TP63: variants seen among roughly 807,000 people sequenced by gnomAD.
TP63 encodes the protein tumor protein p63, also known as tumor protein 63.
In TP63, 17 loss-of-function variants were observed where a neutral mutation model predicts 82.8. The ratio of observed to expected loss-of-function variants is 0.21; its 90% CI spans 0.14 to 0.31. The LOEUF (loss-of-function observed/expected upper bound fraction) is 0.31. TP63 is among the 10% of genes least tolerant of loss of function. The probability of loss-of-function intolerance (pLI) is 1.00; values close to 1 mark genes in which losing one functional copy is unlikely to be tolerated. For missense variants in TP63, 648 were observed against 895.3 expected, an observed-to-expected ratio of 0.72 and a Z score of 3.52; for synonymous variants, 330 against 321.7, an observed-to-expected ratio of 1.03 and a Z score of -0.28.
At chr3:189,889,593 T>A (rs1171071671) in intron 12 of TP63, 109 bp downstream of exon 12, 1 of 1,483,788 alleles carries the variant, frequency 6.7e-7, no homozygotes, top group Non-Finnish European at 9.3e-7. Flanking sequence ...ACAGCAGTCC[T>A]GTGGTTGGAG....
At chr3:189,822,573 T>C (rs545546059) in intron 4 of TP63, among the ~76,000 whole-genome samples, 1 of 152,342 alleles carries the variant, frequency 6.6e-6, no homozygotes, top group Non-Finnish European at 1.5e-5. Flanking sequence ...AGTATTTATC[T>C]TGTAACATTG....
intron 1 of TP63, 121 bp downstream of exon 1, chr3:189,631,698 T>C: frequency 6.3e-7 from 1 of 1,590,700 alleles, no homozygotes; most frequent in Non-Finnish European, 8.6e-7. Context: ...GTGATATTAT[T>C]TTGGACTTTC....
intron 3 of TP63, among the ~76,000 whole-genome samples, chr3:189,807,583 C>A (rs1727050767): frequency 6.6e-6 from 1 of 152,130 alleles, no homozygotes; most frequent in South Asian, 2.1e-4. Context: ...GAATAAATTT[C>A]TATTAAGAAA....
At chr3:189,837,916 T>C (rs1392613190) in intron 4 of TP63, among the ~76,000 whole-genome samples, 2 of 152,186 alleles carry the variant, frequency 1.3e-5, no homozygotes, top group African/African-American at 2.4e-5. Flanking sequence ...TGAGCCATTG[T>C]GCCTGGCCAA....
chr3:189,858,024 C>T (rs1292791283), intron 4 of TP63, among the ~76,000 whole-genome samples: 2 of 152,216 alleles, frequency 1.3e-5, no homozygotes. Flanking sequence ...AGAGGGATAT[C>T]TTCACTCCTG....
At chr3:189,710,886 G>A (rs1018946327) in intron 1 of TP63, among the ~76,000 whole-genome samples, 1 of 152,164 alleles carries the variant, frequency 6.6e-6, no homozygotes, top group African/African-American at 2.4e-5. Flanking sequence ...AAAAAATGCA[G>A]AGCAGGGGGA....
At chr3:189,775,281 AT>A in intron 3 of TP63, among the ~76,000 whole-genome samples, 1 of 152,122 alleles carries the variant, frequency 6.6e-6, no homozygotes, top group South Asian at 2.1e-4. Flanking sequence ...TAAACTACAT[AT>A]AAAGAAGTCA....
intron 1 of TP63, among the ~76,000 whole-genome samples, chr3:189,697,672 C>T (rs1261517381): frequency 6.6e-6 from 1 of 152,014 alleles, no homozygotes; most frequent in African/African-American, 2.4e-5. Context: ...TATTGAGTCT[C>T]CTCTCCCATC....
At position 189,849,757 on chromosome 3, in the gene TP63, A is replaced by C. The variant is rs117081026; in HGVS notation, c.580-14475A>C. On this transcript the variant is annotated intron_variant, in intron 4 of 13. Transcript: ENST00000264731. ...CCTAATAGCCAGGACAAGGACTGGC[A>C]TGAAGCGCGTGCTCAATAAATATTT... is the stretch of plus-strand genomic sequence containing the variant. 5.0e-4 allele frequency among the ~76,000 whole-genome samples: 76 copies of C among 152,288 alleles called. No individual in the cohort carries two copies. In the East Asian group the frequency reaches 8.1e-3, roughly 16 times the overall value.
At chr3:189,751,764 G>T (rs887476473) in intron 3 of TP63, among the ~76,000 whole-genome samples, 1 of 152,124 alleles carries the variant, frequency 6.6e-6, no homozygotes, top group Admixed American at 6.5e-5. Context: ...CTCCCATTCT[G>T]TAGGTTGCCT....
At chr3:189,773,831 C>T (rs1295845103) in intron 3 of TP63, among the ~76,000 whole-genome samples, 3 of 151,112 alleles carry the variant, frequency 2.0e-5, no homozygotes, top group Admixed American at 2.0e-4. Context: ...TGGCCTTTCA[C>T]TCCATCATTA....
In TP63 at chr3:189,894,344, G is replaced by A. The variant is rs769956674; in HGVS notation, c.1885G>A (p.Gly629Ser). ...TPSSASTVSV[G>S]SSETRGERVI... ...AAGCAGTGCCTCTACAGTCAGTGTG[G>A]GCTCCAGTGAGACCCGGGGTGAGCG... The change falls in exon 14 of 14, where the codon GGC (glycine) becomes AGC (serine). Residue 629 changes from glycine to serine, a missense_variant. Coordinates refer to ENST00000264731, the MANE Select transcript of TP63 (RefSeq NM_003722.5). The A allele has an allele frequency of 2.5e-6, 4 of 1,613,846 alleles. No individual in the cohort carries two copies. The highest frequency in any genetic ancestry group is 3.3e-5 in the Admixed American group (2 of 59,990).
At chr3:189,704,857 T>G (rs1718083956) in intron 1 of TP63, among the ~76,000 whole-genome samples, 1 of 152,172 alleles carries the variant, frequency 6.6e-6, no homozygotes, top group African/African-American at 2.4e-5. Context: ...ATGAATAAAA[T>G]AGGCTAAAAT....
intron 1 of TP63, among the ~76,000 whole-genome samples, chr3:189,678,069 T>C (rs1215331302): frequency 6.6e-6 from 1 of 152,084 alleles, no homozygotes; most frequent in Non-Finnish European, 1.5e-5. Flanking sequence ...TCTATATTTC[T>C]TTTGCTGTGC....
At chr3:189,874,668 A>G (rs1463577428) in intron 10 of TP63, among the ~76,000 whole-genome samples, 1 of 152,232 alleles carries the variant, frequency 6.6e-6, no homozygotes, top group Non-Finnish European at 1.5e-5. Flanking sequence ...AGTTGCAGAC[A>G]CAATTTCCAT....
chr3:189,686,227 C>A (rs1716424917), intron 1 of TP63, among the ~76,000 whole-genome samples: 2 of 135,102 alleles, frequency 1.5e-5, no homozygotes, highest in South Asian at 4.8e-4. Flanking sequence ...TTGAGTTTGT[C>A]CCTTGAACTT....
chr3:189,727,579 A>G (rs1315911675), intron 1 of TP63, among the ~76,000 whole-genome samples: 1 of 151,816 alleles, frequency 6.6e-6, no homozygotes, highest in Non-Finnish European at 1.5e-5. Context: ...CTTTTTCCAT[A>G]TTTTCTTTTC....
At chr3:189,687,453 G>A (rs189453149) in intron 1 of TP63, among the ~76,000 whole-genome samples, 108 of 152,286 alleles carry the variant, frequency 7.1e-4, no homozygotes, top group African/African-American at 1.9e-3. Context: ...TGTTACTTGA[G>A]CTTGATAACT....
chr3:189,809,248 C>T (rs2108640873), intron 4 of TP63, among the ~76,000 whole-genome samples: 1 of 152,094 alleles, frequency 6.6e-6, no homozygotes, highest in East Asian at 1.9e-4. Flanking sequence ...TCTAAGGAAG[C>T]ATGGAATTTT....
Sources: allele counts gnomAD v4.1 joint callset (sites outside exome capture counted in the v4.1 genomes callset), GRCh38; gene constraint gnomAD v4.1.1; transcripts MANE v1.5; gene names NCBI Gene and HGNC (gene_info 2026-07-23, HGNC 2026-07-21).